KIAA1549L: variants seen among roughly 807,000 people sequenced by gnomAD.
KIAA1549L encodes UPF0606 protein KIAA1549L.
In KIAA1549L, 88 loss-of-function variants were observed where a neutral mutation model predicts 160.7. The observed-to-expected ratio is 0.55, with a 90% confidence interval of 0.46 to 0.65. KIAA1549L has a LOEUF of 0.65. Ranked by LOEUF, KIAA1549L falls within the 30% of genes least tolerant of loss-of-function variation. The pLI, the probability that KIAA1549L is intolerant of heterozygous loss-of-function variation, is 0.00. For synonymous variants in KIAA1549L, 950 were observed against 976.7 expected, an observed-to-expected ratio of 0.97 and a Z score of 0.51; for missense variants, 2,258 against 2,437.5, an observed-to-expected ratio of 0.93 and a Z score of 1.55.
At chr11:33,495,116 T>C (rs1282158999) in intron 1 of KIAA1549L, among the ~76,000 whole-genome samples, 1 of 151,868 alleles carries the variant, frequency 6.6e-6, no homozygotes, top group African/African-American at 2.4e-5. Context: ...AATGTTTGTA[T>C]TTTTTTATTT....
At chr11:33,667,523 G>A (rs1006998682) in intron 20 of KIAA1549L, among the ~76,000 whole-genome samples, 1 of 151,896 alleles carries the variant, frequency 6.6e-6, no homozygotes, top group South Asian at 2.1e-4. Context: ...CTCCCAAGTA[G>A]CTGGGACTAC....
At chr11:33,514,392 C>T (rs570289368) in intron 1 of KIAA1549L, among the ~76,000 whole-genome samples, 26 of 152,288 alleles carry the variant, frequency 1.7e-4, no homozygotes, top group African/African-American at 5.8e-4. Flanking sequence ...TCTTTTTTGA[C>T]GTCTACACTG....
intron 10 of KIAA1549L, among the ~76,000 whole-genome samples, chr11:33,579,586 G>A (rs1468363141): frequency 6.6e-6 from 1 of 152,196 alleles, no homozygotes; most frequent in Non-Finnish European, 1.5e-5. Flanking sequence ...AGGTGCCCCA[G>A]GACTGGGGAC....
At chr11:33,667,250 C>A (rs577134889) in intron 20 of KIAA1549L, among the ~76,000 whole-genome samples, 2 of 152,100 alleles carry the variant, frequency 1.3e-5, no homozygotes, top group Non-Finnish European at 2.9e-5. Flanking sequence ...CAAATATAGA[C>A]TCAGATATAT....
chr11:33,609,006 G>A (rs1649360035), intron 14 of KIAA1549L, among the ~76,000 whole-genome samples: 1 of 152,188 alleles, frequency 6.6e-6, no homozygotes, highest in South Asian at 2.1e-4. Flanking sequence ...GTTCGGAAAC[G>A]TTGGTGTGAC....
chr11:33,612,362 C>G (rs987931035), intron 15 of KIAA1549L, among the ~76,000 whole-genome samples: 3 of 152,210 alleles, frequency 2.0e-5, no homozygotes, highest in Admixed American at 6.5e-5. Context: ...CACAGCAGGA[C>G]AAGTGAAGGA....
chr11:33,655,379 C>T (rs1852029846), intron 17 of KIAA1549L, among the ~76,000 whole-genome samples: 1 of 152,218 alleles, frequency 6.6e-6, no homozygotes, highest in Admixed American at 6.5e-5. Context: ...AAAGTTTGCT[C>T]ATCAGGACCT....
chr11:33,616,669 G>C (rs1850817757), intron 15 of KIAA1549L, among the ~76,000 whole-genome samples: 1 of 152,068 alleles, frequency 6.6e-6, no homozygotes, highest in Admixed American at 6.5e-5. Flanking sequence ...GAATTCTACT[G>C]CCTCTCCTAG....
At position 33,645,741 on chromosome 11, in the gene KIAA1549L, G is replaced by T; in HGVS notation, c.5465G>T (p.Gly1822Val). ...TNIDRVPEPR[G>V]YSRSRQVKGH... ...ATTGACAGAGTTCCTGAGCCCCGGGGCTATTCCAGGTCTCGACAGGTGAAA... is the reference window on the plus strand; with the variant it reads ...ATTGACAGAGTTCCTGAGCCCCGGGTCTATTCCAGGTCTCGACAGGTGAAA... Residue 1822 changes from glycine to valine, a missense_variant, in exon 17 of 21, where the codon GGC (glycine) becomes GTC (valine). This residue lies in a region of KIAA1549L where 1,359 missense variants were observed against 1,546.6 expected (regional missense o/e 0.88). Coordinates refer to ENST00000658780, the MANE Select transcript of KIAA1549L (RefSeq NM_012194.3). 1 of 1,613,988 alleles carries T rather than the reference G, an allele frequency of 6.2e-7. No individual in the cohort carries two copies. The highest frequency in any genetic ancestry group is 8.5e-7 in the Non-Finnish European group (1 of 1,179,884).
chr11:33,510,065 T>C (rs954861670), intron 1 of KIAA1549L, among the ~76,000 whole-genome samples: 3 of 152,160 alleles, frequency 2.0e-5, no homozygotes, highest in Non-Finnish European at 4.4e-5. Context: ...GCCAAGAAGC[T>C]GCCAAGGGAG....
chr11:33,466,661 A>G (rs934795355), intron 1 of KIAA1549L, among the ~76,000 whole-genome samples: 4 of 152,184 alleles, frequency 2.6e-5, no homozygotes, highest in Non-Finnish European at 5.9e-5. Flanking sequence ...GTAAAGACAC[A>G]TGCACACATA....
At chr11:33,569,015 G>A (rs1329664793) in intron 9 of KIAA1549L, among the ~76,000 whole-genome samples, 1 of 152,192 alleles carries the variant, frequency 6.6e-6, no homozygotes, top group Non-Finnish European at 1.5e-5. Flanking sequence ...ATTGACTGCA[G>A]TAACTGGCTT....
intron 8 of KIAA1549L, among the ~76,000 whole-genome samples, chr11:33,563,939 C>G (rs1373418783): frequency 6.6e-6 from 1 of 152,168 alleles, no homozygotes; most frequent in Non-Finnish European, 1.5e-5. Flanking sequence ...TCTTGCCGTG[C>G]CTCTATTTTG....
At chr11:33,515,880 T>C (rs1030549499) in intron 1 of KIAA1549L, among the ~76,000 whole-genome samples, 1 of 152,190 alleles carries the variant, frequency 6.6e-6, no homozygotes, top group Non-Finnish European at 1.5e-5. Flanking sequence ...GCTAGACCTT[T>C]GGCAAGTCAC....
intron 9 of KIAA1549L, among the ~76,000 whole-genome samples, chr11:33,569,060 T>C (rs1565190673): frequency 2.0e-5 from 3 of 152,206 alleles, no homozygotes; most frequent in Admixed American, 2.0e-4. Context: ...TTCCCATTCT[T>C]GTATTACCTC....
intron 1 of KIAA1549L, among the ~76,000 whole-genome samples, chr11:33,412,799 G>A (rs572315530): frequency 6.6e-6 from 1 of 152,304 alleles, no homozygotes; most frequent in South Asian, 2.1e-4. Context: ...TTAAATATTA[G>A]TACAGACATT....
chr11:33,455,530 G>T (rs1051194555), intron 1 of KIAA1549L, among the ~76,000 whole-genome samples: 1 of 152,154 alleles, frequency 6.6e-6, no homozygotes, highest in South Asian at 2.1e-4. Context: ...TTAGTTTCTT[G>T]TTTGGTTTAT....
chr11:33,639,458 C>T (rs952977452), intron 16 of KIAA1549L, among the ~76,000 whole-genome samples: 5 of 152,242 alleles, frequency 3.3e-5, no homozygotes, highest in Middle Eastern at 3.4e-3. Context: ...ACTATAATTA[C>T]GTGTATATCC....
intron 1 of KIAA1549L, among the ~76,000 whole-genome samples, chr11:33,474,033 G>A (rs2133033396): frequency 6.6e-6 from 1 of 152,144 alleles, no homozygotes; most frequent in East Asian, 1.9e-4. Context: ...CACATGGAAA[G>A]AGTAGGAGCA....
Sources: gnomAD v4.1 joint callset for allele counts (sites outside exome capture counted in the v4.1 genomes callset) on GRCh38, gnomAD v4.1.1 for gene constraint, gnomAD v4.1.1 regional missense constraint, MANE v1.5 for transcripts, NCBI Gene and HGNC (gene_info 2026-07-23, HGNC 2026-07-21) for gene names.